Variants in LAMC2 observed in about 807,000 individuals in gnomAD.
LAMC2 encodes the protein laminin subunit gamma 2.
LAMC2 carries 97 observed loss-of-function variants against 140.2 expected under a neutral mutation model. That is an observed-to-expected ratio of 0.69 (90% CI 0.59 to 0.82). The LOEUF (loss-of-function observed/expected upper bound fraction) is 0.82, where lower values mean the gene tolerates loss of function less well. Among genes scored for constraint, LAMC2 ranks in the 40% least tolerant of loss-of-function variants. The pLI is 0.00. For missense variants in LAMC2, 1,402 were observed against 1,476.1 expected (o/e 0.95, Z 0.82); for synonymous variants, 513 against 540.2 (o/e 0.95, Z 0.70).
At position 183,186,314 on chromosome 1, in the gene LAMC2, C is replaced by T. The variant is rs567581742; in HGVS notation, c.-39C>T. On this transcript the variant is annotated 5_prime_UTR_variant, in exon 1 of 23. Transcript: ENST00000264144. ...CCAACCGAGGCGCCGGGCAGCGACC[C>T]CTGCAGCGGAGACAGAGACTGAGCG... The T allele has an allele frequency of 3.4e-5, 53 of 1,564,984 alleles. No homozygotes were observed. The East Asian group carries it at 1.2e-3, about 35-fold the overall frequency.
intron 4 of LAMC2, 57 bp downstream of exon 4, chr1:183,218,545 G>A: frequency 1.6e-6 from 2 of 1,244,530 alleles, no homozygotes; most frequent in Non-Finnish European, 2.3e-6. Flanking sequence ...CAACTAGCAT[G>A]AGAATTAATC....
At position 183,243,872 on chromosome 1, in the gene LAMC2, T is replaced by C. The variant is rs1660189129; in HGVS notation, c.*472T>C. On this transcript the variant is annotated 3_prime_UTR_variant, in exon 23 of 23. Coordinates refer to ENST00000264144, the MANE Select transcript of LAMC2 (RefSeq NM_005562.3). Reference sequence around the variant, plus strand: ...AGTCACACTGTGGCCAGTAAAATACTATTGCCTCATATTGTCCTCTGCAAG... The same window carrying C: ...AGTCACACTGTGGCCAGTAAAATACCATTGCCTCATATTGTCCTCTGCAAG... 4.6e-6 allele frequency: 1 copy of C among 219,074 alleles called. No homozygotes were observed. The highest frequency in any genetic ancestry group is 2.3e-5 in the African/African-American group (1 of 43,454). The allele number at this position is 219,074 out of a possible 1,614,324, so 13.6% of individuals were successfully genotyped here. A position where few individuals can be genotyped will look rare whatever the true frequency, so the allele number is the denominator to read the frequency against.
Position 183,240,289 on chromosome 1 carries a change from C to T in LAMC2, c.3229-3C>T. 1 of 1,614,222 alleles carries T rather than the reference C, an allele frequency of 6.2e-7. No individual in the cohort carries two copies. The highest frequency in any genetic ancestry group is 8.5e-7 in the Non-Finnish European group (1 of 1,180,046). On this transcript the variant is annotated splice_region_variant and splice_polypyrimidine_tract_variant and intron_variant, in intron 21 of 22. Coordinates refer to ENST00000264144, the MANE Select transcript of LAMC2 (RefSeq NM_005562.3). ...AGGCTGGTTTGTGCTTATTTGTCCT[C>T]AGGTGATTACAGAAGCCCAGAAGGT...
At chr1:183,251,346 G>A in the LAMC2 span, 1 of 152,242 alleles carries the variant, frequency 6.6e-6, no homozygotes, top group African/African-American at 2.4e-5. Context: ...CTCAGCTAGA[G>A]AGGGTGAAAA....
chr1:183,194,682 T>C (rs192803212), intron 1 of LAMC2, among the ~76,000 whole-genome samples: 71 of 152,366 alleles, frequency 4.7e-4, no homozygotes, highest in African/African-American at 1.6e-3. Context: ...CCTCTTTGCT[T>C]CAGGTATTTA....
rs138018472 is a variant in LAMC2 at position 183,226,794 on chromosome 1, A to G, written c.1163A>G (p.Tyr388Cys). 2 of 1,614,084 alleles carry G rather than the reference A, an allele frequency of 1.2e-6. No individual in the cohort carries two copies. The highest frequency in any genetic ancestry group is 1.7e-6 in the Non-Finnish European group (2 of 1,180,022). ...GAACAGTGTATATGTCCTGTTGGGTACAAGGGGCAATTCTGCCAGGATTGT... is the reference window on the plus strand; with the variant it reads ...GAACAGTGTATATGTCCTGTTGGGTGCAAGGGGCAATTCTGCCAGGATTGT... ...WVEQCICPVG[Y>C]KGQFCQDCAS... is the part of the protein sequence containing the mutation. Residue 388 changes from tyrosine (Y) to cysteine (C), a missense_variant, in exon 9 of 23, where the codon TAC (tyrosine) becomes TGC (cysteine). This residue lies in a region of LAMC2 where 723 missense variants were observed against 783.3 expected (regional missense o/e 0.92). Transcript: ENST00000264144.
At chr1:183,207,797 A>G (rs1658935447) in intron 1 of LAMC2, 84 bp from the exon 2 acceptor site, 4 of 1,168,526 alleles carry the variant, frequency 3.4e-6, no homozygotes, top group Non-Finnish European at 3.8e-6. Flanking sequence ...ATTTCTATCA[A>G]TAATAACATA....
downstream of LAMC2, chr1:183,249,914 A>G (rs1340291662): frequency 6.6e-6 from 1 of 151,866 alleles, no homozygotes; most frequent in African/African-American, 2.4e-5. Flanking sequence ...GTCTTAATTC[A>G]TCTCACTTTC....
chr1:183,216,588 C>T (rs917143922), intron 3 of LAMC2, among the ~76,000 whole-genome samples: 1 of 152,144 alleles, frequency 6.6e-6, no homozygotes, highest in African/African-American at 2.4e-5. Context: ...CTTGGCACAT[C>T]CTGGAGAGCT....
the LAMC2 span, among the ~76,000 whole-genome samples, chr1:183,257,299 G>T: frequency 2.6e-5 from 4 of 151,958 alleles, no homozygotes; most frequent in Middle Eastern, 3.2e-3. Context: ...AAATTAGCTG[G>T]GTGTGGTGGC....
intron 1 of LAMC2, among the ~76,000 whole-genome samples, chr1:183,195,482 C>A (rs1244331900): frequency 6.6e-6 from 1 of 152,148 alleles, no homozygotes; most frequent in Non-Finnish European, 1.5e-5. Flanking sequence ...GAGAACTGAG[C>A]TCTGTCATTC....
At chr1:183,205,147 A>G (rs1487141550) in intron 1 of LAMC2, among the ~76,000 whole-genome samples, 1 of 152,176 alleles carries the variant, frequency 6.6e-6, no homozygotes, top group African/African-American at 2.4e-5. Flanking sequence ...GAAAGGCACA[A>G]TGAAAAATTT....
chr1:183,192,212 C>T (rs547442329), intron 1 of LAMC2, among the ~76,000 whole-genome samples: 2 of 152,192 alleles, frequency 1.3e-5, no homozygotes, highest in African/African-American at 4.8e-5. Context: ...ATTGGCCAAA[C>T]GTATAGGGAT....
At chr1:183,251,430 T>A in the LAMC2 span, 1 of 152,372 alleles carries the variant, frequency 6.6e-6, no homozygotes, top group South Asian at 2.1e-4. Flanking sequence ...AAGAGACATT[T>A]CCCAGCCCAA....
intron 3 of LAMC2, among the ~76,000 whole-genome samples, chr1:183,217,724 G>C (rs114125162): frequency 6.6e-6 from 1 of 152,324 alleles, no homozygotes; most frequent in African/African-American, 2.4e-5. Flanking sequence ...GGTGGCTGCC[G>C]AGGGCTGGAG....
In LAMC2 at chr1:183,237,460, G is replaced by A; in HGVS notation, c.2710G>A (p.Glu904Lys). 6.2e-7 allele frequency: 1 copy of A among 1,614,190 alleles called. No individual in the cohort carries two copies. Among genetic ancestry groups the A allele is most frequent in the Non-Finnish European group, 8.5e-7 (1 of 1,179,996 alleles). Reference sequence around the variant, plus strand: ...ACAGAAGAATCTGGGAAACTGGAAAGAAGAAGCACAGCAGCTCTTACAGAA... The same window carrying A: ...ACAGAAGAATCTGGGAAACTGGAAAAAAGAAGCACAGCAGCTCTTACAGAA... ...RTQKNLGNWK[E>K]EAQQLLQNGK... Residue 904 changes from glutamate to lysine, a missense_variant, in exon 18 of 23, where the codon GAA (glutamate) becomes AAA (lysine). By Grantham distance (56) the Glu-to-Lys change is moderately conservative. Coordinates refer to ENST00000264144, the MANE Select transcript of LAMC2 (RefSeq NM_005562.3).
intron 1 of LAMC2, among the ~76,000 whole-genome samples, chr1:183,192,685 A>G (rs557705334): frequency 6.6e-6 from 1 of 152,208 alleles, no homozygotes; most frequent in East Asian, 1.9e-4. Context: ...TTTTTCTGAG[A>G]TAACTCCTTG....
At chr1:183,207,079 T>G (rs1249238229) in intron 1 of LAMC2, among the ~76,000 whole-genome samples, 2 of 152,226 alleles carry the variant, frequency 1.3e-5, no homozygotes, top group Non-Finnish European at 1.5e-5. Context: ...TTCAGAAAAT[T>G]GAAGTGATGT....
chr1:183,221,070 T>C, intron 5 of LAMC2, 109 bp downstream of exon 5: 1 of 1,059,632 alleles, frequency 9.4e-7, no homozygotes, highest in South Asian at 1.3e-5. Flanking sequence ...AGAAATTCTC[T>C]TATAGTATTG....
Sources: allele counts gnomAD v4.1 joint callset (sites outside exome capture counted in the v4.1 genomes callset), GRCh38; gene constraint gnomAD v4.1.1; regional missense constraint gnomAD v4.1.1; transcripts MANE v1.5; gene names NCBI Gene and HGNC (gene_info 2026-07-23, HGNC 2026-07-21).